SDK1: variants seen among roughly 807,000 people sequenced by gnomAD.
SDK1 encodes the protein sidekick cell adhesion molecule 1, also known as protein sidekick-1.
Under a neutral mutation model 245.5 loss-of-function variants are expected in SDK1, and 157 were observed. The observed-to-expected ratio is 0.64, with a 90% CI of 0.56 to 0.73. The LOEUF is 0.73. Among genes scored for constraint, SDK1 ranks in the 30% least tolerant of loss-of-function variants. The probability of loss-of-function intolerance (pLI) is 0.00; values close to 1 mark genes in which losing one functional copy is unlikely to be tolerated. For missense variants in SDK1, 3,583 were observed against 3,002.3 expected, an observed-to-expected ratio of 1.19 and a Z score of -4.52; for synonymous variants, 1,647 against 1,278.5, an observed-to-expected ratio of 1.29 and a Z score of -6.15.
chr7:4,080,183 G>A (rs1365931255), intron 22 of SDK1, among the ~76,000 whole-genome samples: 2 of 152,112 alleles, frequency 1.3e-5, no homozygotes, highest in Non-Finnish European at 2.9e-5. Flanking sequence ...GTGGCAGGGA[G>A]TGAGTCTGGG....
chr7:3,725,783 C>G (rs1778990260), intron 4 of SDK1, among the ~76,000 whole-genome samples: 4 of 152,180 alleles, frequency 2.6e-5, no homozygotes, highest in Non-Finnish European at 4.4e-5. Context: ...CTGTCGTCTT[C>G]TCTTTTATAA....
intron 14 of SDK1, among the ~76,000 whole-genome samples, chr7:3,987,725 G>T (rs1232784414): frequency 6.6e-5 from 10 of 152,176 alleles, no homozygotes; most frequent in Admixed American, 5.9e-4. Context: ...GTGGTGTCAA[G>T]TGTTCAGCAC....
rs1430697506 is a variant in SDK1, at chr7:4,005,389, T to TGTGA, written c.2132-5573_2132-5570dup. ...CGTTTCCGGGTAGTTTCTTTTCTTA[T>TGTGA]GTGAGTGTGTGTGTGTGTGTGTGTG... is the stretch of plus-strand genomic sequence containing the variant. On this transcript the variant is annotated intron_variant, in intron 14 of 44. Coordinates refer to ENST00000404826, the MANE Select transcript of SDK1 (RefSeq NM_152744.4). Among the ~76,000 whole-genome samples, 13 of 113,292 alleles carry TGTGA rather than the reference T, an allele frequency of 1.1e-4. No individual in the cohort carries two copies. The South Asian group carries it at 2.0e-3, about 18-fold the overall frequency. The allele number at this position is 113,292 out of a possible 152,430, so 74.3% of individuals were successfully genotyped here. A position where few individuals can be genotyped will look rare whatever the true frequency, so the allele number is the denominator to read the frequency against.
chr7:3,448,585 AT>A (rs1183360770), intron 1 of SDK1, among the ~76,000 whole-genome samples: 1 of 151,900 alleles, frequency 6.6e-6, no homozygotes, highest in Admixed American at 6.6e-5. Flanking sequence ...TTACTGTCTT[AT>A]TTTTTATATA....
chr7:3,746,729 C>T, intron 4 of SDK1, among the ~76,000 whole-genome samples: 1 of 152,242 alleles, frequency 6.6e-6, no homozygotes, highest in East Asian at 1.9e-4. Context: ...TCAGACTCCA[C>T]TGCTAATTCT....
chr7:3,592,486 T>C (rs1230806176), intron 1 of SDK1, among the ~76,000 whole-genome samples: 1 of 152,218 alleles, frequency 6.6e-6, no homozygotes, highest in Non-Finnish European at 1.5e-5. Flanking sequence ...TCTTTCTCTC[T>C]ACCTCCTCGT....
intron 1 of SDK1, among the ~76,000 whole-genome samples, chr7:3,407,960 T>A (rs1326771033): frequency 6.6e-6 from 1 of 152,018 alleles, no homozygotes; most frequent in Non-Finnish European, 1.5e-5. Context: ...AGCAGGGGGC[T>A]GGGAAGCAGA....
intron 1 of SDK1, among the ~76,000 whole-genome samples, chr7:3,349,054 C>T (rs1780585223): frequency 6.6e-6 from 1 of 152,102 alleles, no homozygotes; most frequent in Non-Finnish European, 1.5e-5. Context: ...CTTTTTACCC[C>T]TTTGGCTGCA....
intron 5 of SDK1, among the ~76,000 whole-genome samples, chr7:3,884,452 G>A (rs918164207): frequency 1.3e-5 from 2 of 152,156 alleles, no homozygotes; most frequent in Non-Finnish European, 2.9e-5. Flanking sequence ...GGCCTCTAAC[G>A]TTTGCCTCTT....
chr7:4,238,082 G>T (rs766703832), intron 42 of SDK1, among the ~76,000 whole-genome samples: 43 of 146,324 alleles, frequency 2.9e-4, no homozygotes, highest in Non-Finnish European at 5.8e-4. Flanking sequence ...TTGTTCAAAT[G>T]CAATTGCTTT....
chr7:3,595,383 A>G (rs1002869511), intron 1 of SDK1, among the ~76,000 whole-genome samples: 4 of 152,076 alleles, frequency 2.6e-5, no homozygotes, highest in African/African-American at 9.7e-5. Context: ...TAGCTACTGC[A>G]TGGATTATCT....
chr7:3,975,830 G>C (rs1019558692), intron 13 of SDK1, among the ~76,000 whole-genome samples: 2 of 152,268 alleles, frequency 1.3e-5, no homozygotes, highest in Non-Finnish European at 2.9e-5. Context: ...GAAGCGGCAG[G>C]AGTCCCCATG....
At chr7:3,993,944 C>T (rs530948059) in intron 14 of SDK1, among the ~76,000 whole-genome samples, 13 of 152,320 alleles carry the variant, frequency 8.5e-5, no homozygotes, top group African/African-American at 2.4e-4. Context: ...CTTGATCACT[C>T]TCCCCACACA....
chr7:4,004,102 G>A (rs758459641), intron 14 of SDK1, among the ~76,000 whole-genome samples: 4 of 152,210 alleles, frequency 2.6e-5, no homozygotes, highest in African/African-American at 7.2e-5. Context: ...AAAGTTGAAC[G>A]TGGACACATA....
chr7:4,071,959 C>T (rs1780282120), intron 20 of SDK1, among the ~76,000 whole-genome samples: 1 of 152,206 alleles, frequency 6.6e-6, no homozygotes. Context: ...TTTGTGAACA[C>T]AGCACACACT....
At chr7:3,489,499 G>A (rs1781804076) in intron 1 of SDK1, among the ~76,000 whole-genome samples, 1 of 152,150 alleles carries the variant, frequency 6.6e-6, no homozygotes, top group Non-Finnish European at 1.5e-5. Context: ...AGGATTTTGA[G>A]CAGCCAGACA....
In SDK1 at chr7:3,974,350, C is replaced by T; in HGVS notation, c.1818-19C>T. On this transcript the variant is annotated intron_variant, in intron 12 of 44. Transcript: ENST00000404826. The stretch of plus-strand genomic sequence containing the variant: ...TCACTGTGGGGTTTGTAACTCAAGA[C>T]CCTTTGCTTGGCCCACAGCTACGTT... 6.2e-7 allele frequency: 1 copy of T among 1,604,734 alleles called. No individual in the cohort carries two copies. The highest frequency in any genetic ancestry group is 8.5e-7 in the Non-Finnish European group (1 of 1,172,720).
In SDK1 at chr7:3,698,718, C is replaced by A. The variant is rs146438979; in HGVS notation, c.713+56613C>A. Among the ~76,000 whole-genome samples, 443 of 152,322 alleles carry A rather than the reference C, an allele frequency of 2.9e-3. 2 individuals are homozygous for A. The highest frequency in any genetic ancestry group is 8.2e-3 in the African/African-American group (342 of 41,558). ...GCTTTCTTCCTGGCTTGTAAACAAC[C>A]ACCTTCTCGCTGTGTCCTCACATGG... On this transcript the variant is annotated intron_variant, in intron 4 of 44. Transcript: ENST00000404826.
At chr7:3,670,845 C>A (rs776431839) in intron 4 of SDK1, among the ~76,000 whole-genome samples, 4 of 152,294 alleles carry the variant, frequency 2.6e-5, no homozygotes, top group Non-Finnish European at 5.9e-5. Flanking sequence ...CCTTTTACTA[C>A]TGGTTTGTGA....
Sources: gnomAD v4.1 joint callset for allele counts (sites outside exome capture counted in the v4.1 genomes callset) on GRCh38, gnomAD v4.1.1 for gene constraint, MANE v1.5 for transcripts, NCBI Gene and HGNC (gene_info 2026-07-23, HGNC 2026-07-21) for gene names.